TNPO1: variants seen among roughly 807,000 people sequenced by gnomAD.
TNPO1 encodes transportin-1.
A neutral mutation model predicts 119.5 loss-of-function variants in TNPO1; 8 were observed. The ratio of observed to expected loss-of-function variants is 0.07; its 90% CI spans 0.04 to 0.12. The LOEUF is 0.12. Ranked by LOEUF, TNPO1 falls within the 10% of genes least tolerant of loss-of-function variation. The pLI is 1.00. For synonymous variants in TNPO1, 362 were observed against 363.0 expected, an observed-to-expected ratio of 1.00 and a Z score of 0.03; for missense variants, 576 against 1,089.8, an observed-to-expected ratio of 0.53 and a Z score of 6.64.
chr5:72,903,655 G>T (rs1749943164), intron 22 of TNPO1, 54 bp from the exon 23 acceptor site: 2 of 1,201,994 alleles, frequency 1.7e-6, no homozygotes, highest in Admixed American at 2.0e-5. Context: ...TATATCTTTT[G>T]CTGAGTTTGA....
intron 1 of TNPO1, among the ~76,000 whole-genome samples, chr5:72,821,880 T>G (rs1743973671): frequency 6.6e-6 from 1 of 152,176 alleles, no homozygotes; most frequent in South Asian, 2.1e-4. Context: ...TCAGGGGCCC[T>G]GAAAGGTATA....
At chr5:72,855,715 C>G (rs560179715) in intron 3 of TNPO1, 59 bp from the exon 4 acceptor site, 1 of 1,395,706 alleles carries the variant, frequency 7.2e-7, no homozygotes, top group African/African-American at 1.5e-5. Context: ...TAAAACTTAT[C>G]GGCACATTTT....
At chr5:72,833,099 A>T (rs1294665746) in intron 1 of TNPO1, among the ~76,000 whole-genome samples, 1 of 152,162 alleles carries the variant, frequency 6.6e-6, no homozygotes, top group Non-Finnish European at 1.5e-5. Context: ...TTTCTAATCC[A>T]TGAATGACTT....
intron 13 of TNPO1, 70 bp downstream of exon 13, chr5:72,888,373 T>C: frequency 1.5e-6 from 2 of 1,347,148 alleles, no homozygotes; most frequent in Non-Finnish European, 2.1e-6. Flanking sequence ...TCTGATGGAG[T>C]GTTGGTGTTA....
intron 1 of TNPO1, among the ~76,000 whole-genome samples, chr5:72,829,142 A>G (rs562638111): frequency 4.0e-4 from 61 of 152,212 alleles, no homozygotes; most frequent in Non-Finnish European, 6.9e-4. Flanking sequence ...TCAAACCTTT[A>G]TTAGAAAATA....
intron 2 of TNPO1, among the ~76,000 whole-genome samples, chr5:72,849,734 G>C (rs1181096642): frequency 6.6e-6 from 1 of 152,150 alleles, no homozygotes; most frequent in African/African-American, 2.4e-5. Context: ...ACTGAGGAAA[G>C]AACACTTTTG....
intron 23 of TNPO1, among the ~76,000 whole-genome samples, chr5:72,904,763 C>T (rs1169549617): frequency 6.6e-6 from 1 of 152,154 alleles, no homozygotes; most frequent in Non-Finnish European, 1.5e-5. Context: ...TGCCGTTGCA[C>T]TCCAGCATGA....
intron 4 of TNPO1, among the ~76,000 whole-genome samples, chr5:72,860,537 A>G (rs1467015269): frequency 1.3e-5 from 2 of 152,240 alleles, no homozygotes; most frequent in East Asian, 3.8e-4. Context: ...ACTGCATAAC[A>G]CAGTTGAGAT....
intron 11 of TNPO1, among the ~76,000 whole-genome samples, chr5:72,885,957 A>G (rs957595802): frequency 6.6e-6 from 1 of 152,152 alleles, no homozygotes; most frequent in South Asian, 2.1e-4. Flanking sequence ...TAAGAGCTCA[A>G]TTCACGCTTA....
intron 18 of TNPO1, among the ~76,000 whole-genome samples, chr5:72,893,905 C>T (rs965262329): frequency 3.9e-5 from 6 of 152,194 alleles, no homozygotes; most frequent in African/African-American, 1.4e-4. Context: ...GCCATCATCT[C>T]AGCTTTTTAG....
At chr5:72,834,315 A>G (rs1411914435) in intron 1 of TNPO1, among the ~76,000 whole-genome samples, 1 of 152,152 alleles carries the variant, frequency 6.6e-6, no homozygotes, top group African/African-American at 2.4e-5. Flanking sequence ...TCCACTGTAA[A>G]ACCACCTCAG....
chr5:72,829,863 G>A (rs985827370), intron 1 of TNPO1, among the ~76,000 whole-genome samples: 4 of 152,124 alleles, frequency 2.6e-5, no homozygotes, highest in Admixed American at 6.6e-5. Context: ...TTAGAGGAAG[G>A]CAGTTAGTCC....
At chr5:72,872,545 CATA>C (rs1561331156) in intron 6 of TNPO1, 91 bp from the exon 7 acceptor site, 3 of 768,630 alleles carry the variant, frequency 3.9e-6, no homozygotes, top group African/African-American at 3.5e-5. Flanking sequence ...ATAGACATAT[CATA>C]ATATTTTTAT....
Position 72,820,596 on chromosome 5 carries a change from A to C in TNPO1, c.15+3844A>C, listed in dbSNP as rs188950025. On this transcript the variant is annotated intron_variant, in intron 1 of 24. Transcript: ENST00000337273. ...TTACTTCTATTTTACTGATGAGAAA[A>C]CAAAGTGTAAATAGGTAAGTACTTT... Among the ~76,000 whole-genome samples, 8 of 152,318 alleles carry C rather than the reference A, an allele frequency of 5.3e-5. No individual in the cohort carries two copies. The East Asian group carries it at 1.5e-3, about 29-fold the overall frequency.
At chr5:72,865,819 A>G (rs1580420511) in intron 6 of TNPO1, 90 bp downstream of exon 6, 13 of 1,288,996 alleles carry the variant, frequency 1.0e-5, no homozygotes, top group Non-Finnish European at 1.4e-5. Flanking sequence ...TGACATTAGC[A>G]AAAGATCAAA....
chr5:72,837,412 T>C (rs1427881943), intron 1 of TNPO1, among the ~76,000 whole-genome samples: 2 of 152,138 alleles, frequency 1.3e-5, no homozygotes, highest in Admixed American at 1.3e-4. Context: ...CTCAAGCCCT[T>C]TTATAAGGGC....
chr5:72,913,264 T>G lies in TNPO1; in HGVS notation c.*4591T>G, dbSNP rs1750679915. 6.6e-6 allele frequency: 1 copy of G among 152,502 alleles called. No homozygotes were observed. Among genetic ancestry groups the G allele is most frequent in the African/African-American group, 2.4e-5 (1 of 41,446 alleles). The allele number at this position is 152,502 out of a possible 1,614,324, so 9.4% of individuals were successfully genotyped here. On this transcript the variant is annotated 3_prime_UTR_variant, in exon 25 of 25. Coordinates refer to ENST00000337273, the MANE Select transcript of TNPO1 (RefSeq NM_002270.4). The stretch of plus-strand genomic sequence containing the variant: ...ACATAAAAGTTAGTTTTATTCACCT[T>G]TAGGCTTTCCAAGTGAATTGTGACT...
chr5:72,820,909 G>A (rs1743929352), intron 1 of TNPO1, among the ~76,000 whole-genome samples: 1 of 152,014 alleles, frequency 6.6e-6, no homozygotes, highest in African/African-American at 2.4e-5. Flanking sequence ...ATATAAAACC[G>A]GGTTCTAAAG....
At chr5:72,817,153 G>T (rs1743730982) in intron 1 of TNPO1, among the ~76,000 whole-genome samples, 1 of 152,212 alleles carries the variant, frequency 6.6e-6, no homozygotes, top group South Asian at 2.1e-4. Flanking sequence ...GGTTCTGGGC[G>T]CTGGCCGGCG....
Sources: allele counts gnomAD v4.1 joint callset (sites outside exome capture counted in the v4.1 genomes callset), GRCh38; gene constraint gnomAD v4.1.1; transcripts MANE v1.5; gene names NCBI Gene and HGNC (gene_info 2026-07-23, HGNC 2026-07-21).